VRK2: variants seen among roughly 807,000 people sequenced by gnomAD.
The protein encoded by VRK2 is serine/threonine-protein kinase VRK2.
In VRK2, 60 loss-of-function variants were observed where a neutral mutation model predicts 57.6. The ratio of observed to expected loss-of-function variants is 1.04; its 90% CI spans 0.85 to 1.29. VRK2 has a LOEUF of 1.29. Among genes scored for constraint, VRK2 ranks in the 50% most tolerant of loss-of-function variants. The pLI, the probability that VRK2 is intolerant of heterozygous loss-of-function variation, is 0.00. For missense variants in VRK2, 705 were observed against 588.1 expected (o/e 1.20, Z -2.06); for synonymous variants, 231 against 199.2 (o/e 1.16, Z -1.35).
At chr2:58,114,170 T>C (rs1363055559) in intron 7 of VRK2, among the ~76,000 whole-genome samples, 2 of 152,140 alleles carry the variant, frequency 1.3e-5, no homozygotes, top group African/African-American at 4.8e-5. Context: ...AAAACAGGTA[T>C]AAAAAGTCTA....
At chr2:57,992,731 T>G (rs1239700631) in intron 1 of VRK2, among the ~76,000 whole-genome samples, 1 of 151,960 alleles carries the variant, frequency 6.6e-6, no homozygotes, top group Non-Finnish European at 1.5e-5. Context: ...AGAGACGGGG[T>G]TTCACCTTGT....
At chr2:57,991,735 G>GTCTAGATCGAGACTA (rs1672772744) in intron 1 of VRK2, among the ~76,000 whole-genome samples, 1 of 150,478 alleles carries the variant, frequency 6.6e-6, no homozygotes, top group Non-Finnish European at 1.5e-5. Flanking sequence ...GGATCACGAG[G>GTCTAGATCGAGACTA]TCTAGATCGA....
At chr2:57,909,913 C>A (rs1237552794) in intron 1 of VRK2, among the ~76,000 whole-genome samples, 1 of 152,052 alleles carries the variant, frequency 6.6e-6, no homozygotes, top group East Asian at 1.9e-4. Context: ...TTCTTAGAAG[C>A]TTTGTGAAAT....
rs537158340 is a variant in VRK2, at chr2:57,930,590, A to C, written c.-439+22751A>C. Reference sequence around the variant, plus strand: ...GCATTTTTGTGTGGACGTTTGATTCAATTTGGTGTCTGTGAAGACTTCTAT... The same window carrying C: ...GCATTTTTGTGTGGACGTTTGATTCCATTTGGTGTCTGTGAAGACTTCTAT... On this transcript the variant is annotated intron_variant, in intron 1 of 15. Transcript: ENST00000417641. Among the ~76,000 whole-genome samples, 7 of 152,308 alleles carry C rather than the reference A, an allele frequency of 4.6e-5. No homozygotes were observed. In the East Asian group the frequency reaches 1.4e-3, roughly 29 times the overall value.
chr2:58,151,830 C>A (rs751071824), intron 12 of VRK2, among the ~76,000 whole-genome samples: 1 of 134,510 alleles, frequency 7.4e-6, no homozygotes, highest in Non-Finnish European at 1.6e-5. Context: ...TTCAGCCAAC[C>A]ACCTATTTTT....
At chr2:58,130,890 GGTTT>G (rs1679097089) in intron 8 of VRK2, among the ~76,000 whole-genome samples, 2 of 152,030 alleles carry the variant, frequency 1.3e-5, no homozygotes, top group Admixed American at 6.5e-5. Context: ...TTATTTCAGT[GGTTT>G]GTTAATATGT....
rs779903784 is a variant in VRK2 at position 58,159,409 on chromosome 2, A to T, written c.1243A>T (p.Ser415Cys). Residue 415 changes from serine to cysteine, a missense_variant, in exon 13 of 13, where the codon AGT (serine) becomes TGT (cysteine). Transcript: ENST00000340157. ...ESQEPLNEVNSFPQKISYTQF... is the reference protein window; with the variant it reads ...ESQEPLNEVNCFPQKISYTQF... Reference sequence around the variant, plus strand: ...TCAAGAACCTTTGAATGAAGTAAACAGTTTCCCACAAAAAATCAGCTATAC... The same window carrying T: ...TCAAGAACCTTTGAATGAAGTAAACTGTTTCCCACAAAAAATCAGCTATAC... 3 of 1,613,466 alleles carry T rather than the reference A, an allele frequency of 1.9e-6. No homozygotes were observed. The African/African-American group carries it at 4.0e-5, about 22-fold the overall frequency.
At chr2:58,099,864 A>T (rs1673706696) in intron 7 of VRK2, among the ~76,000 whole-genome samples, 1 of 152,050 alleles carries the variant, frequency 6.6e-6, no homozygotes, top group Non-Finnish European at 1.5e-5. Flanking sequence ...AAAATATGAG[A>T]TTTCAACTAA....
At chr2:57,971,414 A>G (rs78636191) in intron 1 of VRK2, among the ~76,000 whole-genome samples, 3,162 of 152,074 alleles carry the variant, frequency 0.021, 115 homozygotes, top group African/African-American at 0.073. Flanking sequence ...GTTTAAGTAC[A>G]GTAAGTATTC....
At chr2:58,073,975 C>A (rs950681331) in intron 2 of VRK2, among the ~76,000 whole-genome samples, 2 of 152,060 alleles carry the variant, frequency 1.3e-5, no homozygotes, top group Admixed American at 6.6e-5. Flanking sequence ...GCCCACGACT[C>A]AAATGCTAAT....
At chr2:58,128,577 C>G (rs1273520042) in intron 8 of VRK2, among the ~76,000 whole-genome samples, 1 of 152,100 alleles carries the variant, frequency 6.6e-6, no homozygotes, top group African/African-American at 2.4e-5. Flanking sequence ...GGTGATCTGC[C>G]CACCTCAGCC....
intron 11 of VRK2, among the ~76,000 whole-genome samples, chr2:58,142,261 A>G (rs552225793): frequency 8.8e-4 from 134 of 151,986 alleles, no homozygotes; most frequent in Non-Finnish European, 1.6e-3. Context: ...ATTAGGTATT[A>G]GAAGGTAGCA....
chr2:58,159,841 T>C lies in VRK2; in HGVS notation c.*148T>C. 3 of 1,608,224 alleles carry C rather than the reference T, an allele frequency of 1.9e-6. No homozygotes were observed. The highest frequency in any genetic ancestry group is 1.3e-5 in the African/African-American group (1 of 74,666). The stretch of plus-strand genomic sequence containing the variant: ...ATATTTTAACAAAGTTTGTGGACAC[T>C]CTAAAAAATAAAATTGCTTTGTACT... On this transcript the variant is annotated 3_prime_UTR_variant, in exon 13 of 13. Transcript: ENST00000340157.
intron 7 of VRK2, among the ~76,000 whole-genome samples, chr2:58,110,800 A>G (rs1048517487): frequency 6.6e-6 from 1 of 152,196 alleles, no homozygotes; most frequent in Non-Finnish European, 1.5e-5. Context: ...AGCTTCAGAC[A>G]TGATGCAGAT....
intron 2 of VRK2, among the ~76,000 whole-genome samples, chr2:58,060,147 C>G (rs1192512972): frequency 2.0e-5 from 3 of 151,590 alleles, no homozygotes; most frequent in African/African-American, 7.3e-5. Context: ...AAATCCCACA[C>G]AAGACACTTC....
intron 1 of VRK2, among the ~76,000 whole-genome samples, chr2:58,022,025 A>G (rs1468271474): frequency 6.6e-6 from 1 of 152,172 alleles, no homozygotes; most frequent in Non-Finnish European, 1.5e-5. Flanking sequence ...TTGAGTACCC[A>G]TTACTCCTGG....
intron 2 of VRK2, among the ~76,000 whole-genome samples, chr2:58,074,115 CT>C (rs1462590984): frequency 6.6e-6 from 1 of 152,058 alleles, no homozygotes; most frequent in Non-Finnish European, 1.5e-5. Context: ...CTGTAGCTTT[CT>C]TTTGATTTGT....
At chr2:58,082,477 A>T (rs1341525494) in intron 2 of VRK2, among the ~76,000 whole-genome samples, 1 of 151,870 alleles carries the variant, frequency 6.6e-6, no homozygotes, top group Non-Finnish European at 1.5e-5. Flanking sequence ...GTACTGTTTT[A>T]TGTGGGCCAA....
At chr2:58,057,126 C>T (rs1322020044) in intron 2 of VRK2, among the ~76,000 whole-genome samples, 1 of 152,106 alleles carries the variant, frequency 6.6e-6, no homozygotes, top group Non-Finnish European at 1.5e-5. Flanking sequence ...TTCAGGCAGT[C>T]ACTCACAGTG....
Sources: gnomAD v4.1 joint callset for allele counts (sites outside exome capture counted in the v4.1 genomes callset) on GRCh38, gnomAD v4.1.1 for gene constraint, MANE v1.5 for transcripts, NCBI Gene and HGNC (gene_info 2026-07-23, HGNC 2026-07-21) for gene names.